DCUN1D3: variants seen among roughly 807,000 people sequenced by gnomAD.
DCUN1D3 encodes the protein DCN1-like protein 3.
A neutral mutation model predicts 24.8 loss-of-function variants in DCUN1D3; 6 were observed. That is an observed-to-expected ratio of 0.24 (90% CI 0.13 to 0.48). The LOEUF is 0.48. Among genes scored for constraint, DCUN1D3 ranks in the 20% least tolerant of loss-of-function variants. The pLI, the probability that DCUN1D3 is intolerant of heterozygous loss-of-function variation, is 0.99. For missense variants in DCUN1D3, 258 were observed against 379.4 expected, an observed-to-expected ratio of 0.68 and a Z score of 2.66; for synonymous variants, 120 against 144.9, an observed-to-expected ratio of 0.83 and a Z score of 1.24.
chr16:20,862,668 A>C (rs1464157545), intron 1 of DCUN1D3, 25 bp from the exon 2 acceptor site: 2 of 1,505,502 alleles, frequency 1.3e-6, no homozygotes, highest in Non-Finnish European at 1.8e-6. Flanking sequence ...GAAAGCCATC[A>C]CCTCTGGGTG....
Position 20,857,626 on chromosome 16 carries a change from G to A in DCUN1D3, c.*2260C>T, listed in dbSNP as rs990662504. The A allele has an allele frequency of 6.6e-6, 1 of 152,190 alleles. No homozygotes were observed. The highest frequency in any genetic ancestry group is 1.5e-5 in the Non-Finnish European group (1 of 68,040). The allele number at this position is 152,190 out of a possible 1,614,324, so 9.4% of individuals were successfully genotyped here. On this transcript the variant is annotated 3_prime_UTR_variant, in exon 3 of 3. Transcript: ENST00000324344. ...AAAAAGCAGTCTTTTTAAAACCTCA[G>A]TCTGGGTACCCAGCTACAACTGATC...
chr16:20,869,845 C>G (rs1260367174), intron 1 of DCUN1D3, among the ~76,000 whole-genome samples: 1 of 152,078 alleles, frequency 6.6e-6, no homozygotes, highest in Admixed American at 6.5e-5. Flanking sequence ...GGATTCAAAT[C>G]CAGGCAGTCT....
intron 1 of DCUN1D3, among the ~76,000 whole-genome samples, chr16:20,865,264 C>A (rs529640868): frequency 6.6e-6 from 1 of 151,940 alleles, no homozygotes; most frequent in South Asian, 2.1e-4. Flanking sequence ...GACAGATTTA[C>A]CCAAATACAA....
chr16:20,894,467 C>T (rs1469691274), intron 1 of DCUN1D3, among the ~76,000 whole-genome samples: 2 of 152,136 alleles, frequency 1.3e-5, no homozygotes, highest in African/African-American at 4.8e-5. Flanking sequence ...AATCTGCAGG[C>T]CCAAGTGACA....
intron 1 of DCUN1D3, among the ~76,000 whole-genome samples, chr16:20,883,128 G>T (rs1387801810): frequency 6.6e-6 from 1 of 152,126 alleles, no homozygotes; most frequent in Non-Finnish European, 1.5e-5. Context: ...TTTCCTTTGG[G>T]CCTCATGTCA....
intron 1 of DCUN1D3, among the ~76,000 whole-genome samples, chr16:20,888,012 T>C (rs538861274): frequency 1.2e-4 from 18 of 152,338 alleles, no homozygotes; most frequent in Non-Finnish European, 2.2e-4. Flanking sequence ...ACAGAGTCAC[T>C]AGTGTATTTC....
At chr16:20,871,517 G>A (rs2023695) in intron 1 of DCUN1D3, among the ~76,000 whole-genome samples, 94,443 of 152,114 alleles carry the variant, frequency 0.62, 30,441 homozygotes, top group Non-Finnish European at 0.72. Flanking sequence ...AATGTCCCTC[G>A]CATTGCACCC....
chr16:20,897,772 G>T (rs2081923144), intron 1 of DCUN1D3, among the ~76,000 whole-genome samples: 2 of 152,162 alleles, frequency 1.3e-5, no homozygotes, highest in South Asian at 4.1e-4. Context: ...CTGAAAATCT[G>T]AACACCCAGC....
chr16:20,890,368 C>T (rs1360859121), intron 1 of DCUN1D3, among the ~76,000 whole-genome samples: 1 of 152,092 alleles, frequency 6.6e-6, no homozygotes, highest in Non-Finnish European at 1.5e-5. Flanking sequence ...GGGCCCACAC[C>T]TGTAATCCCA....
chr16:20,893,532 GT>G (rs1386926632), intron 1 of DCUN1D3, among the ~76,000 whole-genome samples: 19 of 152,150 alleles, frequency 1.2e-4, no homozygotes, highest in African/African-American at 3.9e-4. Context: ...TTTTCAACCT[GT>G]TTTCAGCCTC....
chr16:20,896,808 A>G (rs942872791), intron 1 of DCUN1D3, among the ~76,000 whole-genome samples: 2 of 152,246 alleles, frequency 1.3e-5, no homozygotes, highest in African/African-American at 4.8e-5. Context: ...GAGATACTCT[A>G]GTATGAAGAG....
At chr16:20,892,167 CAACT>C (rs1178172690) in intron 1 of DCUN1D3, among the ~76,000 whole-genome samples, 2 of 152,142 alleles carry the variant, frequency 1.3e-5, no homozygotes, top group South Asian at 2.1e-4. Flanking sequence ...TGAGATACAC[CAACT>C]GTTTTGAGTA....
chr16:20,889,835 T>C (rs2081883810), intron 1 of DCUN1D3, among the ~76,000 whole-genome samples: 1 of 152,154 alleles, frequency 6.6e-6, no homozygotes, highest in Non-Finnish European at 1.5e-5. Flanking sequence ...AGTGAAGGGC[T>C]AGCCAAACCA....
chr16:20,868,025 C>G lies in DCUN1D3; in HGVS notation c.-105-5382G>C, dbSNP rs564058239. ...GTTATGCCCAGTCCCTAACCTGGAG[C>G]AGGCTTTCAGCCAGTTCCAAACTCC... On this transcript the variant is annotated intron_variant, in intron 1 of 2. Coordinates refer to ENST00000324344, the MANE Select transcript of DCUN1D3 (RefSeq NM_173475.4). Among the ~76,000 whole-genome samples, 10 of 152,348 alleles carry G rather than the reference C, an allele frequency of 6.6e-5. No homozygotes were observed. The South Asian group carries it at 2.1e-3, about 32-fold the overall frequency.
intron 1 of DCUN1D3, among the ~76,000 whole-genome samples, chr16:20,888,336 A>C (rs2081876487): frequency 6.6e-6 from 1 of 152,214 alleles, no homozygotes; most frequent in Admixed American, 6.5e-5. Context: ...ATACATGAGG[A>C]AGCTGAGGCT....
chr16:20,888,737 T>C (rs1050031167), intron 1 of DCUN1D3, among the ~76,000 whole-genome samples: 1 of 152,066 alleles, frequency 6.6e-6, no homozygotes, highest in Non-Finnish European at 1.5e-5. Flanking sequence ...ACTACAGGCA[T>C]GAGCCACCAT....
rs909077225 is a variant in DCUN1D3, at chr16:20,866,832, G to A, written c.-105-4189C>T. Among the ~76,000 whole-genome samples, 34 of 152,072 alleles carry A rather than the reference G, an allele frequency of 2.2e-4. 1 individual carries two copies. The highest frequency in any genetic ancestry group is 7.2e-4 in the Admixed American group (11 of 15,266). On this transcript the variant is annotated intron_variant, in intron 1 of 2. Transcript: ENST00000324344. ...CCAGATCTGGTAAGTATGGTCCCCCGATTACTCTGATTACTGCCCAGTGGT... is the reference window on the plus strand; with the variant it reads ...CCAGATCTGGTAAGTATGGTCCCCCAATTACTCTGATTACTGCCCAGTGGT...
intron 1 of DCUN1D3, among the ~76,000 whole-genome samples, chr16:20,872,882 C>T (rs1490720934): frequency 6.6e-6 from 1 of 152,180 alleles, no homozygotes; most frequent in African/African-American, 2.4e-5. Context: ...CTTTGGGAGG[C>T]CAAGGCAGGT....
At chr16:20,884,918 A>G (rs2081861421) in intron 1 of DCUN1D3, among the ~76,000 whole-genome samples, 1 of 152,130 alleles carries the variant, frequency 6.6e-6, no homozygotes, top group Admixed American at 6.5e-5. Context: ...CCATCTCAAA[A>G]TAAATAAATA....
Sources: allele counts gnomAD v4.1 joint callset (sites outside exome capture counted in the v4.1 genomes callset), GRCh38; gene constraint gnomAD v4.1.1; transcripts MANE v1.5; gene names NCBI Gene and HGNC (gene_info 2026-07-23, HGNC 2026-07-21).